Variants in ATP6V0A4 observed in about 807,000 individuals in gnomAD.
ATP6V0A4 encodes the protein ATPase H+ transporting V0 subunit a4, also known as V-type proton ATPase 116 kDa subunit a 4.
A neutral mutation model predicts 107.3 loss-of-function variants in ATP6V0A4; 86 were observed. The observed-to-expected ratio is 0.80, with a 90% CI of 0.67 to 0.96. ATP6V0A4 has a LOEUF of 0.96. Among genes scored for constraint, ATP6V0A4 ranks in the 40% least tolerant of loss-of-function variants. The probability of loss-of-function intolerance (pLI) is 0.00; values close to 1 mark genes in which losing one functional copy is unlikely to be tolerated. For missense variants in ATP6V0A4, 908 were observed against 1,045.6 expected, an observed-to-expected ratio of 0.87 and a Z score of 1.81; for synonymous variants, 353 against 381.4, an observed-to-expected ratio of 0.93 and a Z score of 0.87.
intron 18 of ATP6V0A4, among the ~76,000 whole-genome samples, chr7:138,726,960 A>G (rs1290667501): frequency 1.3e-5 from 2 of 152,020 alleles, no homozygotes; most frequent in East Asian, 3.9e-4. Flanking sequence ...AGAGCAAGAC[A>G]AGCTATTATT....
intron 2 of ATP6V0A4, among the ~76,000 whole-genome samples, chr7:138,776,805 C>T (rs1413538628): frequency 6.6e-6 from 1 of 152,212 alleles, no homozygotes; most frequent in Non-Finnish European, 1.5e-5. Flanking sequence ...TATTTAACCT[C>T]AGGGCCTCAG....
chr7:138,741,656 C>T (rs1805640456), intron 14 of ATP6V0A4, among the ~76,000 whole-genome samples: 1 of 152,228 alleles, frequency 6.6e-6, no homozygotes, highest in African/African-American at 2.4e-5. Flanking sequence ...ACATCCCCGC[C>T]TCCTAACAAA....
In ATP6V0A4 at chr7:138,780,307, G is replaced by T. The variant is rs569172451; in HGVS notation, c.-18+5851C>A. ...AGATTTGTAAGGAACACACAACCTAGATTCTTCTCATGCACAGTTCACAGT... is the reference window on the plus strand; with the variant it reads ...AGATTTGTAAGGAACACACAACCTATATTCTTCTCATGCACAGTTCACAGT... On this transcript the variant is annotated intron_variant, in intron 2 of 21. Coordinates refer to ENST00000310018, the MANE Select transcript of ATP6V0A4 (RefSeq NM_020632.3). 1.4e-4 allele frequency among the ~76,000 whole-genome samples: 21 copies of T among 152,308 alleles called. No individual in the cohort carries two copies. The East Asian group carries it at 4.0e-3, about 29-fold the overall frequency.
rs33940158 is a variant in ATP6V0A4, at chr7:138,759,052, A to ATTTTTTTT, written c.639+692_639+699dup. On this transcript the variant is annotated intron_variant, in intron 8 of 21. Transcript: ENST00000310018. The stretch of plus-strand genomic sequence containing the variant: ...AGGCATGAGCCACCATGCCCAGCCT[A>ATTTTTTTT]TTTTTTTTTTTTTTTTTTTTTTTTT... Among the ~76,000 whole-genome samples, 26 of 54,570 alleles carry ATTTTTTTT rather than the reference A, an allele frequency of 4.8e-4. 2 individuals carry two copies. Among genetic ancestry groups the ATTTTTTTT allele is most frequent in the African/African-American group, 2.1e-3 (24 of 11,462 alleles). 35.8% of individuals were successfully genotyped at this position (54,570 alleles called of 152,430 possible).
At chr7:138,735,059 CT>C (rs1805244840) in intron 15 of ATP6V0A4, among the ~76,000 whole-genome samples, 1 of 152,188 alleles carries the variant, frequency 6.6e-6, no homozygotes, top group African/African-American at 2.4e-5. Flanking sequence ...TTAAACAGCA[CT>C]GCCAGGTGGG....
chr7:138,796,923 C>T (rs973527056), intron 1 of ATP6V0A4, among the ~76,000 whole-genome samples: 12 of 152,328 alleles, frequency 7.9e-5, no homozygotes, highest in African/African-American at 2.9e-4. Context: ...AGTCAAGTTA[C>T]TCCTCAGCTC....
Position 138,755,927 on chromosome 7 carries a change from G to A in ATP6V0A4, c.723-145C>T, listed in dbSNP as rs1229965156. The stretch of plus-strand genomic sequence containing the variant: ...AACTGCGTCTTTGGCCACTGGAAAA[G>A]GAGTCCCAGTCATAAGGGTTCCCAG... On this transcript the variant is annotated intron_variant, in intron 9 of 21. Transcript: ENST00000310018. The A allele has an allele frequency of 1.4e-5, 20 of 1,450,396 alleles. No homozygotes were observed. The Admixed American group carries it at 3.6e-4, about 26-fold the overall frequency. 89.8% of individuals were successfully genotyped at this position (1,450,396 alleles called of 1,614,324 possible).
chr7:138,741,493 T>C (rs1490925493), intron 14 of ATP6V0A4, among the ~76,000 whole-genome samples: 2 of 152,130 alleles, frequency 1.3e-5, no homozygotes, highest in Non-Finnish European at 2.9e-5. Context: ...AGCCATCGTG[T>C]CTCCTGCTGA....
At chr7:138,762,295 C>T in intron 7 of ATP6V0A4, 45 bp downstream of exon 7, 1 of 1,601,124 alleles carries the variant, frequency 6.2e-7, no homozygotes, top group South Asian at 1.1e-5. Flanking sequence ...TCAGAAATCA[C>T]TCGCCAGGAC....
At position 138,769,374 on chromosome 7, in the gene ATP6V0A4, G is replaced by GC. The variant is rs2117333481; in HGVS notation, c.118-124dup. On this transcript the variant is annotated intron_variant, in intron 3 of 21. Transcript: ENST00000310018. The stretch of plus-strand genomic sequence containing the variant: ...TTGTCACCCAGACTGGAGGGCAATG[G>GC]CGCGATCTCAGCTCACTGTAACCTC... The GC allele has an allele frequency of 9.1e-6, 13 of 1,436,074 alleles. No homozygotes were observed. In the South Asian group the frequency reaches 1.2e-4, roughly 13 times the overall value. 89.0% of individuals were successfully genotyped at this position (1,436,074 alleles called of 1,614,324 possible). A position where few individuals can be genotyped will look rare whatever the true frequency, so the allele number is the denominator to read the frequency against.
At chr7:138,749,716 C>T (rs1806134670) in intron 11 of ATP6V0A4, among the ~76,000 whole-genome samples, 1 of 152,068 alleles carries the variant, frequency 6.6e-6, no homozygotes. Flanking sequence ...TCCAATGTGT[C>T]ACCAACCCCA....
In ATP6V0A4 at chr7:138,706,366, T is replaced by C. The variant is rs1803364935; in HGVS notation, c.*258A>G. On this transcript the variant is annotated 3_prime_UTR_variant, in exon 22 of 22. Transcript: ENST00000310018. ...GCAAGAAGACATCTGTTTAGCATTC[T>C]CCCCTCATTTGTCAATTACTTTATT... 2 of 496,682 alleles carry C rather than the reference T, an allele frequency of 4.0e-6. No homozygotes were observed. The highest frequency in any genetic ancestry group is 6.5e-5 in the Admixed American group (2 of 30,894). 30.8% of individuals were successfully genotyped at this position (496,682 alleles called of 1,614,324 possible).
intron 17 of ATP6V0A4, 146 bp downstream of exon 17, chr7:138,732,731 T>G: frequency 1.1e-6 from 1 of 870,468 alleles, no homozygotes; most frequent in Non-Finnish European, 1.7e-6. Context: ...GAGGTGGAGG[T>G]TGCAGTGAGT....
chr7:138,779,009 C>T (rs1218238807), intron 2 of ATP6V0A4, among the ~76,000 whole-genome samples: 1 of 152,062 alleles, frequency 6.6e-6, no homozygotes, highest in African/African-American at 2.4e-5. Flanking sequence ...AACGCTCTAC[C>T]CAACTTCAAG....
At chr7:138,741,379 A>G (rs539207279) in intron 14 of ATP6V0A4, among the ~76,000 whole-genome samples, 99 of 152,138 alleles carry the variant, frequency 6.5e-4, no homozygotes, top group African/African-American at 2.3e-3. Context: ...TAATGGCATG[A>G]CTCAGTGCAA....
intron 5 of ATP6V0A4, among the ~76,000 whole-genome samples, chr7:138,767,942 G>A (rs1051393950): frequency 1.3e-5 from 2 of 151,944 alleles, no homozygotes; most frequent in South Asian, 4.2e-4. Flanking sequence ...TTGTTTGTTT[G>A]TTTGTTTTTG....
chr7:138,729,464 A>T (rs536622016), intron 17 of ATP6V0A4, among the ~76,000 whole-genome samples: 1 of 152,260 alleles, frequency 6.6e-6, no homozygotes, highest in African/African-American at 2.4e-5. Context: ...TGGGTTACCC[A>T]CTTTGAACTC....
chr7:138,794,221 CTG>C (rs1298108214), intron 1 of ATP6V0A4, among the ~76,000 whole-genome samples: 1 of 152,170 alleles, frequency 6.6e-6, no homozygotes, highest in African/African-American at 2.4e-5. Flanking sequence ...AACCCCATCT[CTG>C]TGAGGGAGCT....
intron 15 of ATP6V0A4, among the ~76,000 whole-genome samples, chr7:138,737,904 G>A (rs1338771822): frequency 6.6e-6 from 1 of 151,836 alleles, no homozygotes; most frequent in Non-Finnish European, 1.5e-5. Flanking sequence ...TGGGACTACT[G>A]GTGTGTGCCA....
Sources: allele counts gnomAD v4.1 joint callset (sites outside exome capture counted in the v4.1 genomes callset), GRCh38; gene constraint gnomAD v4.1.1; transcripts MANE v1.5; gene names NCBI Gene and HGNC (gene_info 2026-07-23, HGNC 2026-07-21).